ASPH: variants seen among roughly 807,000 people sequenced by gnomAD.
The protein encoded by ASPH is aspartyl/asparaginyl beta-hydroxylase.
Under a neutral mutation model 118.4 loss-of-function variants are expected in ASPH, and 100 were observed. That is an observed-to-expected ratio of 0.84 (90% CI 0.72 to 1.00). The LOEUF (loss-of-function observed/expected upper bound fraction) is 1.00, where lower values mean the gene tolerates loss of function less well. ASPH is among the 50% of genes least tolerant of loss of function. The probability of loss-of-function intolerance (pLI) is 0.00; values close to 1 mark genes in which losing one functional copy is unlikely to be tolerated. For missense variants in ASPH, 920 were observed against 919.5 expected (o/e 1.00, Z -0.01); for synonymous variants, 315 against 325.6 (o/e 0.97, Z 0.35).
intron 7 of ASPH, 49 bp from the exon 8 acceptor site, chr8:61,644,050 A>G (rs762366098): frequency 7.2e-7 from 1 of 1,389,394 alleles, no homozygotes; most frequent in African/African-American, 1.4e-5. Context: ...TAAGGAATAC[A>G]TGTAATATTC....
chr8:61,627,654 T>C (rs765562655), intron 13 of ASPH, among the ~76,000 whole-genome samples: 2 of 152,214 alleles, frequency 1.3e-5, no homozygotes, highest in Non-Finnish European at 2.9e-5. Flanking sequence ...GGAAGATACA[T>C]TTCAGAAGTA....
At chr8:61,673,127 A>T (rs1011633416) in intron 3 of ASPH, among the ~76,000 whole-genome samples, 1 of 152,208 alleles carries the variant, frequency 6.6e-6, no homozygotes, top group African/African-American at 2.4e-5. Flanking sequence ...CAGCTCTATA[A>T]GACAGGGAGG....
At chr8:61,668,173 T>C (rs906416403) in intron 3 of ASPH, 1 of 1,453,322 alleles carries the variant, frequency 6.9e-7, no homozygotes, top group Non-Finnish European at 9.6e-7. Flanking sequence ...CCAGAAAATG[T>C]CATGCATTTT....
chr8:61,653,529 G>C, intron 4 of ASPH, 39 bp downstream of exon 4: 1 of 1,593,804 alleles, frequency 6.3e-7, no homozygotes, highest in Non-Finnish European at 8.6e-7. Context: ...TCAGGCTCTG[G>C]CACACCTGGG....
chr8:61,628,465 A>G (rs1854007628), intron 13 of ASPH: 2 of 235,294 alleles, frequency 8.5e-6, no homozygotes, highest in Non-Finnish European at 1.7e-5. Context: ...CACTGTGCCC[A>G]GCAGATCAAC....
At chr8:61,517,365 G>T in intron 24 of ASPH, 163 bp downstream of exon 24, 3 of 998,842 alleles carry the variant, frequency 3.0e-6, no homozygotes, top group Non-Finnish European at 1.4e-6. Flanking sequence ...CTAATAGAAA[G>T]CACCAAGAAG....
In ASPH at chr8:61,506,612, C is replaced by A. The variant is rs139110775; in HGVS notation, c.2127-3103G>T. Among the ~76,000 whole-genome samples, 625 of 152,174 alleles carry A rather than the reference C, an allele frequency of 4.1e-3. 6 individuals carry two copies. The highest frequency in any genetic ancestry group is 0.014 in the African/African-American group (583 of 41,502). On this transcript the variant is annotated intron_variant, in intron 24 of 24. Coordinates refer to ENST00000379454, the MANE Select transcript of ASPH (RefSeq NM_004318.4). Reference sequence around the variant, plus strand: ...TTGAGGGGAATCCTCTTGACCTTGGCATTTATTACTTATGGGACCTAAGGT... The same window carrying A: ...TTGAGGGGAATCCTCTTGACCTTGGAATTTATTACTTATGGGACCTAAGGT...
chr8:61,639,742 C>G (rs1052546275), intron 10 of ASPH, among the ~76,000 whole-genome samples: 11 of 152,146 alleles, frequency 7.2e-5, no homozygotes, highest in Non-Finnish European at 1.6e-4. Flanking sequence ...CACCAAATGG[C>G]TCATTTGATC....
At chr8:61,602,880 A>G (rs940760400) in intron 14 of ASPH, among the ~76,000 whole-genome samples, 6 of 152,190 alleles carry the variant, frequency 3.9e-5, no homozygotes, top group African/African-American at 1.2e-4. Context: ...TATAACCACA[A>G]TACTGTTACC....
chr8:61,701,361 A>G lies in ASPH; in HGVS notation c.103+12908T>C, dbSNP rs140900723. On this transcript the variant is annotated intron_variant, in intron 1 of 24. Coordinates refer to ENST00000379454, the MANE Select transcript of ASPH (RefSeq NM_004318.4). ...AGCTAGTGAACTGTGCTCTTACTCA[A>G]TGTTACTCTATCCTACCCAGTCATC... 1.3e-4 allele frequency among the ~76,000 whole-genome samples: 20 copies of G among 152,324 alleles called. No homozygotes were observed. The East Asian group carries it at 3.9e-3, about 29-fold the overall frequency.
chr8:61,645,278 A>G (rs1393224992), intron 6 of ASPH, among the ~76,000 whole-genome samples: 1 of 152,204 alleles, frequency 6.6e-6, no homozygotes, highest in African/African-American at 2.4e-5. Flanking sequence ...AGGTTTCTGC[A>G]ATTTGTGAAC....
At chr8:61,663,228 A>G in intron 3 of ASPH, 5 of 985,256 alleles carry the variant, frequency 5.1e-6, no homozygotes, top group Non-Finnish European at 6.0e-6. Flanking sequence ...GAAGCCCTAC[A>G]TTTGATGAAG....
At chr8:61,527,054 T>C (rs774834944) in intron 21 of ASPH, among the ~76,000 whole-genome samples, 18 of 152,148 alleles carry the variant, frequency 1.2e-4, no homozygotes, top group South Asian at 2.1e-4. Flanking sequence ...GTTGAGTATA[T>C]AGATTCATGG....
intron 1 of ASPH, among the ~76,000 whole-genome samples, chr8:61,701,026 G>A (rs992494664): frequency 6.6e-6 from 1 of 152,152 alleles, no homozygotes; most frequent in African/African-American, 2.4e-5. Context: ...TCAAGATCTA[G>A]AACATCAATA....
chr8:61,710,817 T>A (rs1435701258), intron 1 of ASPH, among the ~76,000 whole-genome samples: 2 of 152,186 alleles, frequency 1.3e-5, no homozygotes, highest in African/African-American at 2.4e-5. Flanking sequence ...ATTGAATCCC[T>A]CAGTTACTTA....
intron 17 of ASPH, among the ~76,000 whole-genome samples, chr8:61,565,696 A>G (rs116760576): frequency 0.016 from 2,432 of 151,340 alleles, 70 homozygotes; most frequent in African/African-American, 0.054. Context: ...CAAATTTTCT[A>G]TGTAGACAAA....
In ASPH at chr8:61,610,880, C is replaced by A. The variant is rs559453741; in HGVS notation, c.976+8098G>T. Among the ~76,000 whole-genome samples the A allele has an allele frequency of 1.6e-4, 24 of 152,304 alleles. No homozygotes were observed. In the East Asian group the frequency reaches 4.2e-3, roughly 27 times the overall value. On this transcript the variant is annotated intron_variant, in intron 14 of 24. Coordinates refer to ENST00000379454, the MANE Select transcript of ASPH (RefSeq NM_004318.4). ...ACAAAGACAGATCTAACTAGGCTAA[C>A]CATGCAGTAATTAAGTTCAAGGCGG...
At position 61,584,046 on chromosome 8, in the gene ASPH, A is replaced by AT; in HGVS notation, c.977-18dup. 1 of 1,421,912 alleles carries AT rather than the reference A, an allele frequency of 7.0e-7. No homozygotes were observed. The highest frequency in any genetic ancestry group is 9.7e-7 in the Non-Finnish European group (1 of 1,035,272). The allele number at this position is 1,421,912 out of a possible 1,614,324, so 88.1% of individuals were successfully genotyped here. On this transcript the variant is annotated splice_polypyrimidine_tract_variant and intron_variant, in intron 14 of 24. Transcript: ENST00000379454. ...TTTTCTTAACTGAAAGAAAAAAGAG[A>AT]TTTTTATTTTTAACGTTTTTTGACT...
At chr8:61,599,442 A>T (rs1191349642) in intron 14 of ASPH, among the ~76,000 whole-genome samples, 1 of 151,684 alleles carries the variant, frequency 6.6e-6, no homozygotes, top group Non-Finnish European at 1.5e-5. Flanking sequence ...CACGTTGTGC[A>T]CATGTACCCT....
Sources: allele counts gnomAD v4.1 joint callset (sites outside exome capture counted in the v4.1 genomes callset), GRCh38; gene constraint gnomAD v4.1.1; transcripts MANE v1.5; gene names NCBI Gene and HGNC (gene_info 2026-07-23, HGNC 2026-07-21).